Variants in PLGLB2 observed in about 807,000 individuals in gnomAD.
PLGLB2 encodes plasminogen like B2.
intron 1 of PLGLB2, among the ~76,000 whole-genome samples, chr2:87,750,607 G>C (rs1684630781): frequency 1.3e-5 from 2 of 149,386 alleles, no homozygotes; most frequent in South Asian, 4.3e-4. Flanking sequence ...CGAAGTCCCA[G>C]AGGTGGGGAG....
chr2:87,748,778 C>T (rs1337493119), intron 1 of PLGLB2, among the ~76,000 whole-genome samples: 1 of 60,540 alleles, frequency 1.7e-5, no homozygotes, highest in African/African-American at 6.6e-5. Flanking sequence ...GACAGTGATT[C>T]AACAAATACT....
Position 87,755,054 on chromosome 2 carries a change from A to G in PLGLB2, c.*1+1420A>G, listed in dbSNP as rs1331939816. On this transcript the variant is annotated intron_variant, in intron 3 of 3. Coordinates refer to ENST00000359481, the MANE Select transcript of PLGLB2 (RefSeq NM_002665.4). Reference sequence around the variant, plus strand: ...ACTTCTGCCACTTGCCACCAGCCACACTGCCTTCACCGAGTCCAAGACCCT... The same window carrying G: ...ACTTCTGCCACTTGCCACCAGCCACGCTGCCTTCACCGAGTCCAAGACCCT... Among the ~76,000 whole-genome samples, 8 of 144,196 alleles carry G rather than the reference A, an allele frequency of 5.5e-5. 1 individual carries two copies. The highest frequency in any genetic ancestry group is 2.2e-4 in the African/African-American group (8 of 36,828). 94.6% of individuals were successfully genotyped at this position (144,196 alleles called of 152,430 possible). A position where few individuals can be genotyped will look rare whatever the true frequency, so the allele number is the denominator to read the frequency against.
At chr2:87,756,090 C>G (rs11225) in intron 3 of PLGLB2, 1 of 17,206 alleles carries the variant, frequency 5.8e-5, no homozygotes. Context: ...TGCAAAGAAA[C>G]GACTCGTTGT....
chr2:87,756,566 G>A, intron 3 of PLGLB2: 1 of 356,788 alleles, frequency 2.8e-6, no homozygotes, highest in Non-Finnish European at 5.4e-6. Context: ...TGGCTGCACT[G>A]TGCCCCGTGT....
At position 87,758,305 on chromosome 2, in the gene PLGLB2, TAA is replaced by T. The variant is rs1684803505; in HGVS notation, c.*1490_*1491del. On this transcript the variant is annotated 3_prime_UTR_variant, in exon 4 of 4. Transcript: ENST00000359481. The stretch of plus-strand genomic sequence containing the variant: ...CTCAAATGGTTTTTTTTATTAGGAC[TAA>T]AAGAGAGAATGTGTGGAAAGATGTT... 9.5e-6 allele frequency among the ~76,000 whole-genome samples: 1 copy of T among 104,902 alleles called. No homozygotes were observed. The allele number at this position is 104,902 out of a possible 152,430, so 68.8% of individuals were successfully genotyped here. A position where few individuals can be genotyped will look rare whatever the true frequency, so the allele number is the denominator to read the frequency against.
chr2:87,749,212 A>G (rs1215288245), intron 1 of PLGLB2, among the ~76,000 whole-genome samples: 1 of 147,694 alleles, frequency 6.8e-6, no homozygotes, highest in African/African-American at 2.5e-5. Flanking sequence ...CAATATATTG[A>G]GAGTTGTGCA....
rs1314518172 is a variant in PLGLB2, at chr2:87,748,897, C to T, written c.49+695C>T. ...TACAAATACTAGCTTATTTAGCTCGCGGTATAGGTAGGGTAGCATATTCAC... is the reference window on the plus strand; with the variant it reads ...TACAAATACTAGCTTATTTAGCTCGTGGTATAGGTAGGGTAGCATATTCAC... On this transcript the variant is annotated intron_variant, in intron 1 of 3. Transcript: ENST00000359481. Among the ~76,000 whole-genome samples the T allele has an allele frequency of 8.2e-5, 10 of 121,722 alleles. 1 individual carries two copies. The East Asian group carries it at 1.1e-3, about 14-fold the overall frequency. 79.9% of individuals were successfully genotyped at this position (121,722 alleles called of 152,430 possible).
intron 3 of PLGLB2, chr2:87,756,430 CATGT>C (rs1255421128): frequency 5.5e-6 from 1 of 183,448 alleles, no homozygotes; most frequent in Non-Finnish European, 1.1e-5. Context: ...TCTGTCTCAT[CATGT>C]ATGTAACATG....
intron 3 of PLGLB2, among the ~76,000 whole-genome samples, chr2:87,755,414 C>T (rs1177426540): frequency 8.9e-6 from 1 of 112,090 alleles, no homozygotes; most frequent in Non-Finnish European, 1.7e-5. Context: ...TCCTTGACCC[C>T]TAGACCTCCC....
intron 1 of PLGLB2, among the ~76,000 whole-genome samples, chr2:87,749,123 CT>C (rs1020434307): frequency 6.7e-6 from 1 of 149,928 alleles, no homozygotes; most frequent in Non-Finnish European, 1.5e-5. Context: ...TTTTCTTTTT[CT>C]TTTTTTAAAA....
rs1308721678 is a variant in PLGLB2, at chr2:87,759,047, G to A, written c.*2229G>A. 1.5e-5 allele frequency among the ~76,000 whole-genome samples: 2 copies of A among 137,052 alleles called. No individual in the cohort carries two copies. Among genetic ancestry groups the A allele is most frequent in the East Asian group, 2.1e-4 (1 of 4,838 alleles). The allele number at this position is 137,052 out of a possible 152,430, so 89.9% of individuals were successfully genotyped here. On this transcript the variant is annotated 3_prime_UTR_variant, in exon 4 of 4. Transcript: ENST00000359481. The stretch of plus-strand genomic sequence containing the variant: ...TTTTTTTTTTCTGAGACAGAATTTT[G>A]CTCTCATTGCCCAGGCTAGAGTGCA...
At chr2:87,751,419 T>C (rs561315613) in intron 1 of PLGLB2, 1 of 149,620 alleles carries the variant, frequency 6.7e-6, no homozygotes, top group Admixed American at 6.7e-5. Context: ...TACCCTCCAG[T>C]GTTTTGCCCA....
intron 3 of PLGLB2, 111 bp from the exon 4 acceptor site, chr2:87,756,709 A>T (rs1684740586): frequency 1.9e-6 from 1 of 537,200 alleles, no homozygotes; most frequent in Non-Finnish European, 3.5e-6. Context: ...TTTAGAAAGC[A>T]GAAACAGGGG....
chr2:87,750,476 C>T (rs1200259782), intron 1 of PLGLB2, among the ~76,000 whole-genome samples: 1 of 151,966 alleles, frequency 6.6e-6, no homozygotes, highest in African/African-American at 2.4e-5. Context: ...GCATCTATTT[C>T]TTTGTGATCT....
At chr2:87,755,837 AT>A (rs1251500377) in intron 3 of PLGLB2, 1 of 10,110 alleles carries the variant, frequency 9.9e-5, no homozygotes, top group Admixed American at 9.2e-4. Context: ...ACATTTATTA[AT>A]CAATCTGCAT....
At chr2:87,749,138 AG>A (rs1224687649) in intron 1 of PLGLB2, among the ~76,000 whole-genome samples, 1 of 151,020 alleles carries the variant, frequency 6.6e-6, no homozygotes, top group Non-Finnish European at 1.5e-5. Context: ...TTTAAAAAAA[AG>A]CTTTATGGAG....
intron 3 of PLGLB2, chr2:87,756,006 CTTTG>C (rs1436435636): frequency 2.5e-4 from 1 of 4,040 alleles, no homozygotes; most frequent in East Asian, 2.8e-3. Context: ...CAAAAAAGAG[CTTTG>C]TTTCTTTTCA....
rs1364080816 is a variant in PLGLB2, at chr2:87,748,163, A to C, written c.10A>C (p.Lys4Gln). 1 of 789,040 alleles carries C rather than the reference A, an allele frequency of 1.3e-6. No individual in the cohort carries two copies. The highest frequency in any genetic ancestry group is 2.1e-6 in the Non-Finnish European group (1 of 471,712). 48.9% of individuals were successfully genotyped at this position (789,040 alleles called of 1,614,324 possible). MEH[K>Q]EVVLLLLLFL... is the part of the protein sequence containing the mutation. ...GCTGGCCAGTCCCAAAATGGAACAT[A>C]AGGAAGTGGTTCTTCTACTTCTTTT... The change falls in exon 1 of 4, where the codon AAG (lysine) becomes CAG (glutamine). Residue 4 changes from lysine to glutamine, a missense_variant. By Grantham distance (53) the Lys-to-Gln change is moderately conservative. Transcript: ENST00000359481.
chr2:87,755,443 GT>G (rs1457521143), intron 3 of PLGLB2, among the ~76,000 whole-genome samples: 1 of 125,490 alleles, frequency 8.0e-6, no homozygotes, highest in Non-Finnish European at 1.6e-5. Context: ...AGTACCTTGA[GT>G]TTACACTTTG....
Sources: gnomAD v4.1 joint callset for allele counts (sites outside exome capture counted in the v4.1 genomes callset) on GRCh38, gnomAD v4.1.1 for gene constraint, MANE v1.5 for transcripts, NCBI Gene and HGNC (gene_info 2026-07-23, HGNC 2026-07-21) for gene names.